Variants in AP1B1 observed in about 807,000 individuals in gnomAD.
AP1B1 encodes AP-1 complex subunit beta-1.
In AP1B1, 36 loss-of-function variants were observed where a neutral mutation model predicts 104.3. That is an observed-to-expected ratio of 0.35 (90% CI 0.26 to 0.46). The LOEUF (loss-of-function observed/expected upper bound fraction) is 0.46. Among genes scored for constraint, AP1B1 ranks in the 20% least tolerant of loss-of-function variants. The pLI is 1.00. For synonymous variants in AP1B1, 504 were observed against 517.5 expected, an observed-to-expected ratio of 0.97 and a Z score of 0.35; for missense variants, 901 against 1,247.9, an observed-to-expected ratio of 0.72 and a Z score of 4.19.
At chr22:29,381,844 A>G (rs935709305) in intron 1 of AP1B1, among the ~76,000 whole-genome samples, 5 of 151,826 alleles carry the variant, frequency 3.3e-5, no homozygotes, top group Admixed American at 3.3e-4. Context: ...CCAGGCCCAC[A>G]TGCCTTCTTT....
chr22:29,366,352 G>A (rs1202998240), intron 2 of AP1B1, among the ~76,000 whole-genome samples: 1 of 152,140 alleles, frequency 6.6e-6, no homozygotes, highest in African/African-American at 2.4e-5. Flanking sequence ...GAAAATACAT[G>A]CCTGACCGGC....
intron 1 of AP1B1, among the ~76,000 whole-genome samples, chr22:29,380,177 C>G (rs1258463144): frequency 1.3e-5 from 2 of 152,152 alleles, no homozygotes. Flanking sequence ...TCCTGAAAAC[C>G]TGTCTTCCCT....
At chr22:29,376,229 C>G (rs1442356353) in intron 1 of AP1B1, among the ~76,000 whole-genome samples, 1 of 152,114 alleles carries the variant, frequency 6.6e-6, no homozygotes, top group East Asian at 1.9e-4. Context: ...TCCAAATGGC[C>G]AGCCAATGTC....
Position 29,385,775 on chromosome 22 carries a change from C to G in AP1B1, c.-28+2649G>C, listed in dbSNP as rs539823970. Among the ~76,000 whole-genome samples, 3 of 152,348 alleles carry G rather than the reference C, an allele frequency of 2.0e-5. No homozygotes were observed. The South Asian group carries it at 6.2e-4, about 32-fold the overall frequency. The stretch of plus-strand genomic sequence containing the variant: ...CTGCAAGGCACAGATGTCACCTCAA[C>G]CTTCAGAAACACAGCGAAGTGCAAA... On this transcript the variant is annotated intron_variant, in intron 1 of 22. Transcript: ENST00000357586.
At chr22:29,378,759 T>C (rs2062388849) in intron 1 of AP1B1, among the ~76,000 whole-genome samples, 1 of 147,968 alleles carries the variant, frequency 6.8e-6, no homozygotes, top group Admixed American at 6.9e-5. Context: ...CTCGGGAGGC[T>C]GAGGCAGGAG....
At chr22:29,380,657 T>C (rs1347604142) in intron 1 of AP1B1, among the ~76,000 whole-genome samples, 2 of 152,148 alleles carry the variant, frequency 1.3e-5, no homozygotes, top group African/African-American at 4.8e-5. Flanking sequence ...TCCTATTGGA[T>C]TCCGACCTTC....
At chr22:29,364,765 G>A (rs970257276) in intron 2 of AP1B1, among the ~76,000 whole-genome samples, 2 of 150,744 alleles carry the variant, frequency 1.3e-5, no homozygotes, top group Non-Finnish European at 2.9e-5. Context: ...CTGGAGTGCA[G>A]CGGTGCGATC....
In AP1B1 at chr22:29,330,612, G is replaced by A. The variant is rs201718597; in HGVS notation, c.2611+11C>T. On this transcript the variant is annotated intron_variant, in intron 20 of 22. Coordinates refer to ENST00000357586, the MANE Select transcript of AP1B1 (RefSeq NM_001127.4). ...GGCGAGGGGCTGGGGTCGGGGGCTC[G>A]GAGTCCTCACCTGCATTGAGGGGGC... 1.5e-4 allele frequency: 244 copies of A among 1,613,680 alleles called. No homozygotes were observed. In the African/African-American group the frequency reaches 2.2e-3, roughly 15 times the overall value.
chr22:29,359,708 G>A lies in AP1B1; in HGVS notation c.279+116C>T, dbSNP rs115348277. On this transcript the variant is annotated intron_variant, in intron 4 of 22. Transcript: ENST00000357586. ...AGAGGCCTGCAGGCTGGGCGGGCGCGGGCAGTCTGAAGGTCTGGACTCCAT... is the reference window on the plus strand; with the variant it reads ...AGAGGCCTGCAGGCTGGGCGGGCGCAGGCAGTCTGAAGGTCTGGACTCCAT... 2.0e-3 allele frequency: 2,689 copies of A among 1,369,062 alleles called. 52 individuals carry two copies. The African/African-American group carries it at 0.035, about 18-fold the overall frequency. 84.8% of individuals were successfully genotyped at this position (1,369,062 alleles called of 1,614,324 possible).
At chr22:29,365,346 C>A (rs569472621) in intron 2 of AP1B1, among the ~76,000 whole-genome samples, 2 of 152,172 alleles carry the variant, frequency 1.3e-5, no homozygotes, top group African/African-American at 4.8e-5. Flanking sequence ...AAAACCCCAA[C>A]CCCAAAATAA....
chr22:29,355,476 C>T lies in AP1B1; in HGVS notation c.717-605G>A, dbSNP rs778253947. On this transcript the variant is annotated intron_variant, in intron 6 of 22. Coordinates refer to ENST00000357586, the MANE Select transcript of AP1B1 (RefSeq NM_001127.4). ...ACCCTGTCATAAACAAACAAACAAA[C>T]AAACATGTTTTTTGTAGGAGAAAGA... Among the ~76,000 whole-genome samples the T allele has an allele frequency of 1.8e-4, 27 of 152,016 alleles. 1 individual carries two copies. Among genetic ancestry groups the T allele is most frequent in the Non-Finnish European group, 4.0e-4 (27 of 68,008 alleles).
chr22:29,364,345 C>T (rs2062098016), intron 2 of AP1B1, among the ~76,000 whole-genome samples: 1 of 152,368 alleles, frequency 6.6e-6, no homozygotes, highest in East Asian at 1.9e-4. Flanking sequence ...GGTTGTCTGG[C>T]CCTGCCATGG....
At chr22:29,373,699 T>G (rs1035647928) in intron 1 of AP1B1, among the ~76,000 whole-genome samples, 2 of 152,172 alleles carry the variant, frequency 1.3e-5, no homozygotes, top group African/African-American at 4.8e-5. Flanking sequence ...GGCCAGGAGT[T>G]CGAGACTGGC....
intron 1 of AP1B1, among the ~76,000 whole-genome samples, chr22:29,382,463 G>C (rs174773): frequency 0.96 from 145,767 of 152,304 alleles, 69,803 homozygotes; most frequent in East Asian, 1. Context: ...GGGAATGCAG[G>C]AGTGAAAGAA....
intron 22 of AP1B1, chr22:29,329,368 C>G: frequency 8.1e-7 from 1 of 1,228,970 alleles, no homozygotes; most frequent in Non-Finnish European, 1.0e-6. Context: ...TGCCTCCGCT[C>G]TGGGGCCTGA....
At position 29,330,238 on chromosome 22, in the gene AP1B1, G is replaced by C. The variant is rs755054207; in HGVS notation, c.2766+140C>G. The C allele has an allele frequency of 2.7e-6, 4 of 1,495,404 alleles. No homozygotes were observed. The African/African-American group carries it at 4.2e-5, about 16-fold the overall frequency. 92.6% of individuals were successfully genotyped at this position (1,495,404 alleles called of 1,614,324 possible). On this transcript the variant is annotated intron_variant, in intron 21 of 22. Transcript: ENST00000357586. ...GTTGATTTGGAAGCTTTCTAGAAAGGTCCTTCTCAGGGACCAAACTGATTC... is the reference window on the plus strand; with the variant it reads ...GTTGATTTGGAAGCTTTCTAGAAAGCTCCTTCTCAGGGACCAAACTGATTC...
chr22:29,340,895 G>A lies in AP1B1; in HGVS notation c.1797-38C>T, dbSNP rs533401475. 3.9e-6 allele frequency: 6 copies of A among 1,555,054 alleles called. No individual in the cohort carries two copies. In the East Asian group the frequency reaches 9.3e-5, roughly 24 times the overall value. ...AGAAGTAGGGTGGAGGCATCAGGAT[G>A]TCTCAGGAAGGTCAAAGAGACCCCA... On this transcript the variant is annotated intron_variant, in intron 13 of 22. Coordinates refer to ENST00000357586, the MANE Select transcript of AP1B1 (RefSeq NM_001127.4).
intron 11 of AP1B1, among the ~76,000 whole-genome samples, chr22:29,343,836 C>T (rs1490781278): frequency 1.3e-5 from 2 of 152,072 alleles, no homozygotes; most frequent in African/African-American, 2.4e-5. Context: ...AGTGGCCAGG[C>T]GTGATGGCTC....
rs372836005 is a variant in AP1B1, at chr22:29,361,910, C to T, written c.143+1091G>A. Among the ~76,000 whole-genome samples the T allele has an allele frequency of 3.9e-5, 6 of 152,188 alleles. No individual in the cohort carries two copies. The South Asian group carries it at 1.2e-3, about 32-fold the overall frequency. On this transcript the variant is annotated intron_variant, in intron 3 of 22. Transcript: ENST00000357586. ...CCCAGGTTCCAGCAATTCTCTGCCT[C>T]AGCCTCCCAAGTAGCTGGGATTACA...
Sources: gnomAD v4.1 joint callset for allele counts (sites outside exome capture counted in the v4.1 genomes callset) on GRCh38, gnomAD v4.1.1 for gene constraint, MANE v1.5 for transcripts, NCBI Gene and HGNC (gene_info 2026-07-23, HGNC 2026-07-21) for gene names.